The following GPHN variants were observed in gnomAD, a reference collection of about 807,000 sequenced individuals.
The protein encoded by GPHN is gephyrin.
Under a neutral mutation model 95.5 loss-of-function variants are expected in GPHN, and 17 were observed. That is an observed-to-expected ratio of 0.18 (90% CI 0.12 to 0.27). The LOEUF (loss-of-function observed/expected upper bound fraction) is 0.27, where lower values mean the gene tolerates loss of function less well. Ranked by LOEUF, GPHN falls within the 10% of genes least tolerant of loss-of-function variation. GPHN has a pLI of 1.00. For missense variants in GPHN, 660 were observed against 978.1 expected (o/e 0.67, Z 4.34); for synonymous variants, 320 against 322.5 (o/e 0.99, Z 0.08).
In GPHN at chr14:66,718,301, G is replaced by A. The variant is rs770318863; in HGVS notation, c.143+37116G>A. 2.6e-5 allele frequency among the ~76,000 whole-genome samples: 4 copies of A among 152,066 alleles called. No individual in the cohort carries two copies. The South Asian group carries it at 6.2e-4, about 24-fold the overall frequency. Reference sequence around the variant, plus strand: ...TCTCGCTGACTTCAGGAATGAAGCCGCAGACCTTTGTAGTGAGTGTTACAG... The same window carrying A: ...TCTCGCTGACTTCAGGAATGAAGCCACAGACCTTTGTAGTGAGTGTTACAG... On this transcript the variant is annotated intron_variant, in intron 2 of 22. Coordinates refer to ENST00000478722, the MANE Select transcript of GPHN (RefSeq NM_020806.5).
the GPHN span, among the ~76,000 whole-genome samples, chr14:67,508,057 G>T: frequency 6.6e-6 from 1 of 150,828 alleles, no homozygotes; most frequent in Non-Finnish European, 1.5e-5. Flanking sequence ...AGAATTGCTT[G>T]AACCCGGGAG....
chr14:67,227,706 T>G, the GPHN span: 1 of 152,146 alleles, frequency 6.6e-6, no homozygotes, highest in African/African-American at 2.4e-5. Context: ...ACAGCACAGA[T>G]TAAGAACTTG....
At chr14:67,149,943 A>G (rs2081152939) in intron 18 of GPHN, among the ~76,000 whole-genome samples, 1 of 152,172 alleles carries the variant, frequency 6.6e-6, no homozygotes, top group South Asian at 2.1e-4. Context: ...TTTAATTTCT[A>G]TATAATTAAT....
intron 1 of GPHN, among the ~76,000 whole-genome samples, chr14:66,597,201 G>A (rs898646960): frequency 6.6e-6 from 1 of 152,154 alleles, no homozygotes; most frequent in African/African-American, 2.4e-5. Context: ...GACAAACCGG[G>A]TTATTGGAAG....
At chr14:66,569,660 CAA>C (rs55935489) in intron 1 of GPHN, among the ~76,000 whole-genome samples, 8 of 136,138 alleles carry the variant, frequency 5.9e-5, no homozygotes, top group Non-Finnish European at 7.9e-5. Context: ...AAGACTATCT[CAA>C]AAAAAAAAAA....
intron 11 of GPHN, among the ~76,000 whole-genome samples, chr14:67,072,135 A>G (rs527928812): frequency 1.3e-5 from 2 of 152,108 alleles, no homozygotes; most frequent in Non-Finnish European, 2.9e-5. Context: ...TCCTTAGTCT[A>G]TAGAATTACA....
the GPHN span, among the ~76,000 whole-genome samples, chr14:67,603,780 C>T: frequency 3.9e-5 from 6 of 152,234 alleles, no homozygotes; most frequent in Admixed American, 1.3e-4. Context: ...CAGGTTCAAG[C>T]GATTCTCCTG....
intron 4 of GPHN, among the ~76,000 whole-genome samples, chr14:66,876,503 C>T (rs1355051557): frequency 6.6e-6 from 1 of 151,614 alleles, no homozygotes; most frequent in African/African-American, 2.4e-5. Flanking sequence ...GAACACTAGC[C>T]AGACTAATGA....
the GPHN span, among the ~76,000 whole-genome samples, chr14:67,499,309 T>C: frequency 6.6e-6 from 1 of 152,164 alleles, no homozygotes; most frequent in African/African-American, 2.4e-5. Flanking sequence ...CCACTAATGG[T>C]CTTTTATTGA....
intron 1 of GPHN, among the ~76,000 whole-genome samples, chr14:66,572,240 C>CTT (rs1179747834): frequency 1.3e-5 from 2 of 152,126 alleles, no homozygotes; most frequent in Non-Finnish European, 2.9e-5. Context: ...TATTTAAGGT[C>CTT]TTTGGTCGTT....
At chr14:67,015,469 C>A (rs1473290656) in intron 9 of GPHN, among the ~76,000 whole-genome samples, 3 of 152,040 alleles carry the variant, frequency 2.0e-5, no homozygotes, top group Non-Finnish European at 4.4e-5. Flanking sequence ...GAGGCCAAGG[C>A]AGGCAGATCA....
intron 5 of GPHN, among the ~76,000 whole-genome samples, chr14:66,905,363 A>G (rs942430557): frequency 1.3e-5 from 2 of 152,056 alleles, no homozygotes; most frequent in Non-Finnish European, 1.5e-5. Context: ...TGTTTTCTTA[A>G]AACTACTATT....
At chr14:67,308,217 C>T in the GPHN span, among the ~76,000 whole-genome samples, 1 of 147,210 alleles carries the variant, frequency 6.8e-6, no homozygotes, top group Non-Finnish European at 1.5e-5. Context: ...GCAGTTGGAT[C>T]CCTGAACTTA....
the GPHN span, among the ~76,000 whole-genome samples, chr14:67,617,896 T>C: frequency 6.6e-6 from 1 of 152,242 alleles, no homozygotes; most frequent in East Asian, 1.9e-4. Flanking sequence ...TTTTGTATTT[T>C]TAGGAGAGAC....
chr14:67,307,551 A>G, the GPHN span, among the ~76,000 whole-genome samples: 1 of 152,212 alleles, frequency 6.6e-6, no homozygotes, highest in Admixed American at 6.5e-5. Flanking sequence ...AAAAGTTGAG[A>G]ACCACTGCTA....
chr14:67,487,526 G>A, the GPHN span, among the ~76,000 whole-genome samples: 2 of 152,166 alleles, frequency 1.3e-5, no homozygotes, highest in Non-Finnish European at 1.5e-5. Context: ...CCTGTAGTGG[G>A]TACATCTGTT....
At chr14:66,632,995 C>T (rs1427788628) in intron 1 of GPHN, among the ~76,000 whole-genome samples, 3 of 152,194 alleles carry the variant, frequency 2.0e-5, no homozygotes, top group Non-Finnish European at 4.4e-5. Context: ...TGCCCTTGCT[C>T]AGGCCAGGCC....
chr14:67,258,071 C>T, the GPHN span, among the ~76,000 whole-genome samples: 1 of 151,594 alleles, frequency 6.6e-6, no homozygotes, highest in Non-Finnish European at 1.5e-5. Flanking sequence ...TTTTTCTCTT[C>T]CTGTCTTATC....
intron 10 of GPHN, among the ~76,000 whole-genome samples, chr14:67,036,914 A>T (rs2074451008): frequency 6.6e-6 from 1 of 152,024 alleles, no homozygotes; most frequent in African/African-American, 2.4e-5. Context: ...GACATTTTTT[A>T]TAGAAATAGA....
Sources: allele counts gnomAD v4.1 joint callset (sites outside exome capture counted in the v4.1 genomes callset), GRCh38; gene constraint gnomAD v4.1.1; transcripts MANE v1.5; gene names NCBI Gene and HGNC (gene_info 2026-07-23, HGNC 2026-07-21).